Variants in DSCAM observed in about 807,000 individuals in gnomAD.
The protein encoded by DSCAM is DS cell adhesion molecule, also known as cell adhesion molecule DSCAM.
In DSCAM, 47 loss-of-function variants were observed where a neutral mutation model predicts 217.7. The ratio of observed to expected loss-of-function variants is 0.22; its 90% CI spans 0.17 to 0.28. DSCAM has a LOEUF of 0.28. DSCAM is among the 10% of genes least tolerant of loss of function. DSCAM has a pLI of 1.00. For missense variants in DSCAM, 2,080 were observed against 2,618.3 expected, an observed-to-expected ratio of 0.79 and a Z score of 4.49; for synonymous variants, 1,056 against 1,015.3, an observed-to-expected ratio of 1.04 and a Z score of -0.76.
chr21:40,275,514 TA>T (rs1190482850), intron 11 of DSCAM, among the ~76,000 whole-genome samples: 1 of 152,228 alleles, frequency 6.6e-6, no homozygotes, highest in African/African-American at 2.4e-5. Context: ...GGTTGCCAGT[TA>T]CCAATGTATG....
chr21:40,137,608 C>CAT (rs780784278), intron 18 of DSCAM, among the ~76,000 whole-genome samples: 2,587 of 113,266 alleles, frequency 0.023, 44 homozygotes, highest in African/African-American at 0.044. Context: ...CACACACACA[C>CAT]ACACACACAC....
intron 11 of DSCAM, among the ~76,000 whole-genome samples, chr21:40,246,366 A>G (rs2073224934): frequency 7.1e-6 from 1 of 141,306 alleles, no homozygotes; most frequent in Non-Finnish European, 1.5e-5. Context: ...AAAAAAAAAA[A>G]AAAAAAAAAA....
chr21:40,267,467 T>C (rs2073554562), intron 11 of DSCAM, among the ~76,000 whole-genome samples: 2 of 152,210 alleles, frequency 1.3e-5, no homozygotes, highest in South Asian at 2.1e-4. Flanking sequence ...TAAGTTACAA[T>C]GTTAGGATGT....
At chr21:40,703,350 T>C (rs890417001) in intron 2 of DSCAM, among the ~76,000 whole-genome samples, 2 of 152,124 alleles carry the variant, frequency 1.3e-5, no homozygotes, top group Non-Finnish European at 2.9e-5. Context: ...ATTCCATCTC[T>C]ACAAAAATAA....
chr21:40,085,332 G>A (rs1304084429), intron 23 of DSCAM, among the ~76,000 whole-genome samples: 1 of 152,152 alleles, frequency 6.6e-6, no homozygotes, highest in Admixed American at 6.6e-5. Flanking sequence ...GACTTTTTTA[G>A]ACATGTACAC....
intron 3 of DSCAM, among the ~76,000 whole-genome samples, chr21:40,433,482 G>A (rs555306909): frequency 5.3e-5 from 8 of 152,130 alleles, no homozygotes; most frequent in East Asian, 3.9e-4. Context: ...ACCCCTGCAC[G>A]GGACTGCATT....
At chr21:40,213,945 C>T (rs2091212970) in intron 11 of DSCAM, among the ~76,000 whole-genome samples, 1 of 152,198 alleles carries the variant, frequency 6.6e-6, no homozygotes, top group Admixed American at 6.5e-5. Context: ...CTTGGCCCAG[C>T]CATTTGGAGT....
intron 9 of DSCAM, among the ~76,000 whole-genome samples, chr21:40,306,398 T>C (rs1176219567): frequency 3.3e-5 from 5 of 151,292 alleles, no homozygotes; most frequent in South Asian, 2.1e-4. Flanking sequence ...ACAGGGACAA[T>C]TGGACTTCCT....
chr21:40,672,296 A>C (rs1171938968), intron 3 of DSCAM, among the ~76,000 whole-genome samples: 1 of 152,188 alleles, frequency 6.6e-6, no homozygotes, highest in Non-Finnish European at 1.5e-5. Context: ...AAGTAAATTT[A>C]GCAAAATTAT....
At chr21:40,170,764 C>T (rs1019262720) in intron 15 of DSCAM, among the ~76,000 whole-genome samples, 3 of 152,154 alleles carry the variant, frequency 2.0e-5, no homozygotes, top group African/African-American at 7.2e-5. Context: ...TATACTGAGG[C>T]TGGGTTACTT....
intron 14 of DSCAM, among the ~76,000 whole-genome samples, chr21:40,182,672 GGGGGGGTTACCAGAGAAACCGTGGAC>G (rs2090832194): frequency 9.5e-6 from 1 of 105,552 alleles, no homozygotes; most frequent in Admixed American, 9.1e-5. Context: ...CCGTGGACAG[GGGGGGGTTACCAGAGAAACCGTGGAC>G]GGGGGGGGGT....
intron 28 of DSCAM, among the ~76,000 whole-genome samples, chr21:40,057,234 C>A (rs79055915): frequency 1.3e-5 from 2 of 152,312 alleles, no homozygotes; most frequent in African/African-American, 4.8e-5. Context: ...TTTGTCCTGA[C>A]TTTTCACATG....
chr21:40,021,967 A>T (rs1247121238), intron 32 of DSCAM, among the ~76,000 whole-genome samples: 1 of 152,342 alleles, frequency 6.6e-6, no homozygotes, highest in South Asian at 2.1e-4. Flanking sequence ...AAACTTCCTG[A>T]ATTTTCTCAA....
At chr21:40,193,803 C>T (rs780116508) in intron 11 of DSCAM, among the ~76,000 whole-genome samples, 1 of 152,140 alleles carries the variant, frequency 6.6e-6, no homozygotes, top group Non-Finnish European at 1.5e-5. Context: ...CTTGGTAAGT[C>T]ACCATCATCA....
At chr21:40,532,921 C>T (rs1239103699) in intron 3 of DSCAM, among the ~76,000 whole-genome samples, 1 of 147,560 alleles carries the variant, frequency 6.8e-6, no homozygotes, top group Non-Finnish European at 1.5e-5. Context: ...CACACGCACG[C>T]GCATGTGCGC....
Position 40,167,765 on chromosome 21 carries a change from C to A in DSCAM, c.2948-477G>T, listed in dbSNP as rs11911041. On this transcript the variant is annotated intron_variant, in intron 15 of 32. Transcript: ENST00000400454. Reference sequence around the variant, plus strand: ...TTGGGTGTCTTTCATGGCTTTTGTTCTTCAATTAAAAACCCTTGTGGCCGG... The same window carrying A: ...TTGGGTGTCTTTCATGGCTTTTGTTATTCAATTAAAAACCCTTGTGGCCGG... Among the ~76,000 whole-genome samples the A allele has an allele frequency of 7.8e-3, 1,180 of 152,246 alleles. 16 individuals carry two copies. The highest frequency in any genetic ancestry group is 0.027 in the African/African-American group (1,139 of 41,546).
intron 3 of DSCAM, among the ~76,000 whole-genome samples, chr21:40,466,618 G>A (rs575751316): frequency 3.9e-5 from 6 of 152,148 alleles, no homozygotes; most frequent in East Asian, 3.9e-4. Context: ...TTCAGCTTCC[G>A]TTTCTCCCTG....
chr21:40,395,185 T>C (rs2123762686), intron 3 of DSCAM, among the ~76,000 whole-genome samples: 1 of 152,328 alleles, frequency 6.6e-6, no homozygotes, highest in Non-Finnish European at 1.5e-5. Context: ...AATAATTTGA[T>C]GTGGTGCAGT....
chr21:40,080,599 T>C (rs1294440779), intron 24 of DSCAM, among the ~76,000 whole-genome samples: 1 of 152,152 alleles, frequency 6.6e-6, no homozygotes, highest in African/African-American at 2.4e-5. Flanking sequence ...CTCATTCTCT[T>C]CTAAAAGCCA....
Sources: allele counts gnomAD v4.1 joint callset (sites outside exome capture counted in the v4.1 genomes callset), GRCh38; gene constraint gnomAD v4.1.1; transcripts MANE v1.5; gene names NCBI Gene and HGNC (gene_info 2026-07-23, HGNC 2026-07-21).